The following KIF9 variants were observed in gnomAD, a reference collection of about 807,000 sequenced individuals.
KIF9 encodes kinesin family member 9, also known as kinesin-like protein KIF9.
KIF9 carries 68 observed loss-of-function variants against 94.8 expected under a neutral mutation model. That is an observed-to-expected ratio of 0.72 (90% CI 0.59 to 0.88). The LOEUF is 0.88. Among genes scored for constraint, KIF9 ranks in the 40% least tolerant of loss-of-function variants. The pLI is 0.00. For synonymous variants in KIF9, 343 were observed against 362.1 expected (o/e 0.95, Z 0.60); for missense variants, 882 against 982.5 (o/e 0.90, Z 1.37).
intron 9 of KIF9, among the ~76,000 whole-genome samples, chr3:47,261,344 C>G (rs959618035): frequency 3.3e-5 from 5 of 152,194 alleles, no homozygotes; most frequent in African/African-American, 1.2e-4. Context: ...AGCAGAGTCT[C>G]TCTGGAGGGG....
intron 5 of KIF9, among the ~76,000 whole-genome samples, chr3:47,269,118 G>A (rs890487443): frequency 4.6e-5 from 7 of 152,156 alleles, no homozygotes; most frequent in East Asian, 1.9e-4. Context: ...TGCTATTGAC[G>A]TTGAGGAAGT....
chr3:47,267,959 C>T (rs1241891928), intron 5 of KIF9, among the ~76,000 whole-genome samples: 1 of 150,530 alleles, frequency 6.6e-6, no homozygotes, highest in Non-Finnish European at 1.5e-5. Context: ...ATAACCTCTG[C>T]CTCCCGGGCC....
intron 10 of KIF9, among the ~76,000 whole-genome samples, chr3:47,256,059 G>C (rs1484346369): frequency 6.6e-6 from 1 of 152,250 alleles, no homozygotes; most frequent in African/African-American, 2.4e-5. Flanking sequence ...CGTTCACTCA[G>C]TGCTCAATGG....
At chr3:47,254,951 C>T (rs1050820986) in intron 10 of KIF9, among the ~76,000 whole-genome samples, 4 of 152,148 alleles carry the variant, frequency 2.6e-5, no homozygotes, top group African/African-American at 9.7e-5. Context: ...ATTCTGATGC[C>T]TTGTCACATT....
intron 10 of KIF9, among the ~76,000 whole-genome samples, chr3:47,250,004 G>A (rs113448478): frequency 2.4e-3 from 370 of 151,490 alleles, no homozygotes; most frequent in Non-Finnish European, 3.8e-3. Flanking sequence ...AGCTGAGACC[G>A]CACCATTGCA....
At chr3:47,262,444 GT>G (rs1387691629) in intron 9 of KIF9, among the ~76,000 whole-genome samples, 1 of 151,744 alleles carries the variant, frequency 6.6e-6, no homozygotes, top group Non-Finnish European at 1.5e-5. Context: ...TAATTTTTAT[GT>G]TTTTACTAGA....
intron 1 of KIF9, among the ~76,000 whole-genome samples, chr3:47,279,278 G>A (rs1213281405): frequency 6.6e-6 from 1 of 151,412 alleles, no homozygotes; most frequent in Non-Finnish European, 1.5e-5. Context: ...TTCAAGACCA[G>A]CCTGGCCAAC....
intron 4 of KIF9, among the ~76,000 whole-genome samples, chr3:47,272,594 T>G (rs567614699): frequency 6.6e-6 from 1 of 152,200 alleles, no homozygotes; most frequent in Admixed American, 6.5e-5. Flanking sequence ...AGAAAAAGAA[T>G]GTAAACTATC....
chr3:47,279,608 T>C (rs1361277996), intron 1 of KIF9, among the ~76,000 whole-genome samples: 2 of 151,734 alleles, frequency 1.3e-5, no homozygotes, highest in African/African-American at 4.8e-5. Flanking sequence ...AATGGTAATA[T>C]TTTATTTTAT....
rs1248694250 is a variant in KIF9 at position 47,275,197 on chromosome 3, G to A, written c.259+128C>T. The A allele has an allele frequency of 1.0e-4, 75 of 741,434 alleles. 1 individual carries two copies. The highest frequency in any genetic ancestry group is 1.8e-4 in the African/African-American group (10 of 55,822). 45.9% of individuals were successfully genotyped at this position (741,434 alleles called of 1,614,324 possible). A position where few individuals can be genotyped will look rare whatever the true frequency, so the allele number is the denominator to read the frequency against. ...ACAAGCAAACAGTAAGTTTTGCAAC[G>A]TAAGAACATGGAGACAGACAAACAT... On this transcript the variant is annotated intron_variant, in intron 3 of 20. Coordinates refer to ENST00000684063, the MANE Select transcript of KIF9 (RefSeq NM_182902.4).
intron 1 of KIF9, among the ~76,000 whole-genome samples, chr3:47,279,160 CA>C (rs55779664): frequency 0.76 from 41,749 of 55,002 alleles, 15,007 homozygotes; most frequent in East Asian, 0.88. Flanking sequence ...GACCATATCT[CA>C]AAAAAAAAAA....
At chr3:47,237,197 G>A (rs1426366348) in intron 17 of KIF9, among the ~76,000 whole-genome samples, 1 of 152,112 alleles carries the variant, frequency 6.6e-6, no homozygotes, top group African/African-American at 2.4e-5. Context: ...GAGTTCAAGC[G>A]ATTCTCCTCC....
intron 5 of KIF9, 75 bp downstream of exon 5, chr3:47,271,157 GAAAAA>G: frequency 9.9e-7 from 1 of 1,013,768 alleles, no homozygotes; most frequent in Admixed American, 2.5e-5. Flanking sequence ...AAAAGAAAAA[GAAAAA>G]GAAAAAGAAA....
chr3:47,250,669 T>C (rs544307056), intron 10 of KIF9: 41 of 367,412 alleles, frequency 1.1e-4, no homozygotes, highest in African/African-American at 8.5e-4. Flanking sequence ...TAAGTCATTT[T>C]ATACTCGATA....
At chr3:47,237,431 A>G (rs1699115321) in intron 17 of KIF9, among the ~76,000 whole-genome samples, 1 of 152,220 alleles carries the variant, frequency 6.6e-6, no homozygotes, top group African/African-American at 2.4e-5. Flanking sequence ...TTAGACATCT[A>G]TATCGTGTTG....
intron 10 of KIF9, 83 bp downstream of exon 10, chr3:47,257,399 AG>A: frequency 8.3e-7 from 1 of 1,198,912 alleles, no homozygotes; most frequent in Non-Finnish European, 1.2e-6. Context: ...TGAGGCAGGA[AG>A]GGAAGGCTCG....
At chr3:47,252,325 G>A (rs763956161) in intron 10 of KIF9, among the ~76,000 whole-genome samples, 2 of 152,118 alleles carry the variant, frequency 1.3e-5, no homozygotes, top group Non-Finnish European at 2.9e-5. Flanking sequence ...TTCACCAGGC[G>A]TGGTGGCTCA....
chr3:47,246,048 C>T (rs1378251610), intron 13 of KIF9, 149 bp downstream of exon 13: 1 of 623,520 alleles, frequency 1.6e-6, no homozygotes, highest in African/African-American at 1.8e-5. Flanking sequence ...ACTGAATATC[C>T]ACCAGGGACC....
intron 1 of KIF9, among the ~76,000 whole-genome samples, chr3:47,279,937 GATTTT>G (rs2107538291): frequency 6.6e-6 from 1 of 152,178 alleles, no homozygotes; most frequent in East Asian, 1.9e-4. Context: ...AGTTATTCCA[GATTTT>G]ATTTATTTAT....
Sources: allele counts gnomAD v4.1 joint callset (sites outside exome capture counted in the v4.1 genomes callset), GRCh38; gene constraint gnomAD v4.1.1; transcripts MANE v1.5; gene names NCBI Gene and HGNC (gene_info 2026-07-23, HGNC 2026-07-21).